Variants in WAC observed in about 807,000 individuals in gnomAD.
WAC encodes the protein WW domain-containing adapter protein with coiled-coil.
A neutral mutation model predicts 79.6 loss-of-function variants in WAC; 11 were observed. The observed-to-expected ratio is 0.14, with a 90% confidence interval of 0.09 to 0.23. WAC has a LOEUF of 0.23. Among genes scored for constraint, WAC ranks in the 10% least tolerant of loss-of-function variants. WAC has a pLI of 1.00. For missense variants in WAC, 728 were observed against 773.5 expected, an observed-to-expected ratio of 0.94 and a Z score of 0.70; for synonymous variants, 304 against 276.9, an observed-to-expected ratio of 1.10 and a Z score of -0.97.
rs71281550 is a variant in WAC, at chr10:28,563,744, C to CTTTTTTTTTTTTT, written c.275-19638_275-19626dup. Among the ~76,000 whole-genome samples, 260 of 67,888 alleles carry CTTTTTTTTTTTTT rather than the reference C, an allele frequency of 3.8e-3. 11 individuals carry two copies. The highest frequency in any genetic ancestry group is 4.8e-3 in the Non-Finnish European group (188 of 38,890). 44.5% of individuals were successfully genotyped at this position (67,888 alleles called of 152,430 possible). On this transcript the variant is annotated intron_variant, in intron 3 of 13. Transcript: ENST00000354911. ...ACAAGTGCATGCTGCCTACACCCAG[C>CTTTTTTTTTTTTT]TTTTTTTTTTTTTTTTTTTTTTTTT... is the stretch of plus-strand genomic sequence containing the variant.
intron 8 of WAC, among the ~76,000 whole-genome samples, chr10:28,609,600 T>G (rs1175027093): frequency 6.6e-6 from 1 of 152,118 alleles, no homozygotes; most frequent in Non-Finnish European, 1.5e-5. Context: ...TTTAGATAGT[T>G]TGAGGAGGCC....
At position 28,619,734 on chromosome 10, in the gene WAC, C is replaced by T. The variant is rs189066342; in HGVS notation, c.*128C>T. On this transcript the variant is annotated 3_prime_UTR_variant, in exon 14 of 14. Coordinates refer to ENST00000354911, the MANE Select transcript of WAC (RefSeq NM_016628.5). Reference sequence around the variant, plus strand: ...CTGGGCAAAGGAAATGACAAGGGGACGGGGTCTGTGAGAGTCAATTCAGGG... The same window carrying T: ...CTGGGCAAAGGAAATGACAAGGGGATGGGGTCTGTGAGAGTCAATTCAGGG... The T allele has an allele frequency of 5.3e-5, 35 of 659,990 alleles. No homozygotes were observed. In the Admixed American group the frequency reaches 5.4e-4, roughly 10 times the overall value. 40.9% of individuals were successfully genotyped at this position (659,990 alleles called of 1,614,324 possible).
intron 3 of WAC, among the ~76,000 whole-genome samples, chr10:28,554,675 A>T (rs1214152776): frequency 6.6e-6 from 1 of 152,138 alleles, no homozygotes; most frequent in Non-Finnish European, 1.5e-5. Flanking sequence ...AGAAAAGCAC[A>T]CTTGCTTGTT....
intron 7 of WAC, 24 bp downstream of exon 7, chr10:28,596,065 G>C: frequency 6.3e-7 from 1 of 1,599,252 alleles, no homozygotes; most frequent in Non-Finnish European, 8.5e-7. Context: ...ACTAGATGCT[G>C]CACGTTGAAC....
At chr10:28,558,583 T>A (rs1449349548) in intron 3 of WAC, among the ~76,000 whole-genome samples, 1 of 152,034 alleles carries the variant, frequency 6.6e-6, no homozygotes, top group Non-Finnish European at 1.5e-5. Context: ...AAAAAAAAAT[T>A]ATGTAAGTGA....
At chr10:28,542,448 C>T (rs1837107164) in intron 3 of WAC, among the ~76,000 whole-genome samples, 1 of 152,158 alleles carries the variant, frequency 6.6e-6, no homozygotes. Context: ...TTGTCAGTGA[C>T]ACATTTTAAA....
chr10:28,553,071 C>T (rs771566443), intron 3 of WAC, among the ~76,000 whole-genome samples: 11 of 151,696 alleles, frequency 7.3e-5, no homozygotes, highest in Non-Finnish European at 1.3e-4. Flanking sequence ...TGTGTGGAGA[C>T]GAATGGAATA....
intron 8 of WAC, among the ~76,000 whole-genome samples, chr10:28,608,990 G>A (rs115790673): frequency 0.03 from 4,488 of 152,076 alleles, 227 homozygotes; most frequent in African/African-American, 0.1. Context: ...TGCTACTTAC[G>A]TTTCAGAATA....
intron 3 of WAC, among the ~76,000 whole-genome samples, chr10:28,555,886 G>A (rs1484139059): frequency 2.0e-5 from 3 of 152,044 alleles, no homozygotes; most frequent in Admixed American, 6.6e-5. Flanking sequence ...CCAGAACCAC[G>A]AACTAAATGA....
At chr10:28,534,767 C>T (rs1337671820) in intron 2 of WAC, among the ~76,000 whole-genome samples, 3 of 152,190 alleles carry the variant, frequency 2.0e-5, no homozygotes, top group Non-Finnish European at 2.9e-5. Flanking sequence ...GACTAGAGAG[C>T]AGGTTTCTAA....
chr10:28,575,773 T>C (rs751679387), intron 3 of WAC, among the ~76,000 whole-genome samples: 1 of 152,244 alleles, frequency 6.6e-6, no homozygotes, highest in Non-Finnish European at 1.5e-5. Context: ...CTTTTCACTT[T>C]CTGGTAGTGT....
At chr10:28,548,300 G>C (rs1214544612) in intron 3 of WAC, among the ~76,000 whole-genome samples, 1 of 152,036 alleles carries the variant, frequency 6.6e-6, no homozygotes, top group Non-Finnish European at 1.5e-5. Flanking sequence ...ATCCGTTAGA[G>C]AGTCATCTTC....
At position 28,621,214 on chromosome 10, in the gene WAC, GATT is replaced by G. The variant is rs1381791143; in HGVS notation, c.*1609_*1611del. On this transcript the variant is annotated 3_prime_UTR_variant, in exon 14 of 14. Transcript: ENST00000354911. Reference sequence around the variant, plus strand: ...TTAAATTGGTTTAGGGTTTTTTGGTGATTTTTTTTTTTTTTTTTTTTCTGTTGG... The same window carrying G: ...TTAAATTGGTTTAGGGTTTTTTGGTGTTTTTTTTTTTTTTTTTTCTGTTGG... 1.3e-5 allele frequency: 1 copy of G among 76,574 alleles called. No homozygotes were observed. Among genetic ancestry groups the G allele is most frequent in the African/African-American group, 5.2e-5 (1 of 19,124 alleles). 4.7% of individuals were successfully genotyped at this position (76,574 alleles called of 1,614,324 possible). A position where few individuals can be genotyped will look rare whatever the true frequency, so the allele number is the denominator to read the frequency against.
At chr10:28,597,188 C>T (rs1228062746) in intron 7 of WAC, among the ~76,000 whole-genome samples, 2 of 151,998 alleles carry the variant, frequency 1.3e-5, no homozygotes, top group African/African-American at 4.8e-5. Context: ...TTCCAAATGT[C>T]AAATTCGGTA....
chr10:28,547,886 A>G (rs1032868672), intron 3 of WAC, among the ~76,000 whole-genome samples: 1 of 148,262 alleles, frequency 6.7e-6, no homozygotes, highest in African/African-American at 2.5e-5. Flanking sequence ...TTAATTTTTT[A>G]ATTACATTTT....
Position 28,583,415 on chromosome 10 carries a change from A to G in WAC, c.291A>G (p.Pro97=), listed in dbSNP as rs1232681106. ...RERDGGTSYS[P]QENSHNHSAL... ...TTTTTTAAGGGACCAGTTACTCTCC[A>G]CAAGAAAATTCACACAACCACAGTG... Residue 97 remains proline, a synonymous_variant, in exon 4 of 14, where the codon CCA becomes CCG. Transcript: ENST00000354911. The G allele has an allele frequency of 1.9e-6, 3 of 1,586,340 alleles. No individual in the cohort carries two copies. In the Admixed American group the frequency reaches 5.6e-5, roughly 30 times the overall value.
chr10:28,598,382 G>A (rs1840483030), intron 7 of WAC, among the ~76,000 whole-genome samples: 1 of 152,120 alleles, frequency 6.6e-6, no homozygotes, highest in African/African-American at 2.4e-5. Flanking sequence ...AATAGAACAT[G>A]TTCTTTCTTT....
intron 9 of WAC, 170 bp from the exon 10 acceptor site, chr10:28,611,604 C>T: frequency 8.2e-7 from 1 of 1,223,818 alleles, no homozygotes; most frequent in Non-Finnish European, 1.1e-6. Context: ...GTCAGTGTGG[C>T]CCAGTGAGAA....
At chr10:28,577,421 G>A (rs1450123536) in intron 3 of WAC, among the ~76,000 whole-genome samples, 3 of 152,108 alleles carry the variant, frequency 2.0e-5, no homozygotes, top group Admixed American at 6.5e-5. Context: ...TGATAATAAA[G>A]TTGCATAATT....
Sources: allele counts gnomAD v4.1 joint callset (sites outside exome capture counted in the v4.1 genomes callset), GRCh38; gene constraint gnomAD v4.1.1; transcripts MANE v1.5; gene names NCBI Gene and HGNC (gene_info 2026-07-23, HGNC 2026-07-21).